The following TP53RK variants were observed in gnomAD, a reference collection of about 807,000 sequenced individuals.
TP53RK encodes the protein EKC/KEOPS complex subunit TP53RK.
A neutral mutation model predicts 14.9 loss-of-function variants in TP53RK; 17 were observed. The ratio of observed to expected loss-of-function variants is 1.14; its 90% confidence interval spans 0.78 to 1.71. The LOEUF is 1.71. Among genes scored for constraint, TP53RK ranks in the 40% most tolerant of loss-of-function variants. The pLI is 0.00. For synonymous variants in TP53RK, 131 were observed against 138.0 expected, an observed-to-expected ratio of 0.95 and a Z score of 0.36; for missense variants, 343 against 332.0, an observed-to-expected ratio of 1.03 and a Z score of -0.26.
In TP53RK at chr20:46,685,204, G is replaced by A. The variant is rs1248846730; in HGVS notation, c.*1549C>T. ...TGGGCACTTGGGGCATGCTGACTGT[G>A]GTGAATGAAACAGACAGGGTACTGG... On this transcript the variant is annotated 3_prime_UTR_variant, in exon 2 of 2. Transcript: ENST00000372114. 1 of 152,242 alleles carries A rather than the reference G, an allele frequency of 6.6e-6. No individual in the cohort carries two copies. The highest frequency in any genetic ancestry group is 1.5e-5 in the Non-Finnish European group (1 of 68,058). 9.4% of individuals were successfully genotyped at this position (152,242 alleles called of 1,614,324 possible).
rs78697542 is a variant in TP53RK, at chr20:46,689,020, G to A, written c.283+112C>T. On this transcript the variant is annotated intron_variant, in intron 1 of 1. Coordinates refer to ENST00000372114, the MANE Select transcript of TP53RK (RefSeq NM_033550.4). ...TCCGAAAGGCCGGACACCGCAGAAGGCACAGAAGGAGAAACTGAGGGAAAT... is the reference window on the plus strand; with the variant it reads ...TCCGAAAGGCCGGACACCGCAGAAGACACAGAAGGAGAAACTGAGGGAAAT... The A allele has an allele frequency of 4.3e-4, 491 of 1,150,816 alleles. 4 individuals carry two copies. The African/African-American group carries it at 7.4e-3, about 17-fold the overall frequency. 71.3% of individuals were successfully genotyped at this position (1,150,816 alleles called of 1,614,324 possible).
chr20:46,686,691 C>A lies in TP53RK; in HGVS notation c.*62G>T. ...CTTAGATCTCATCTCATACTTGTAG[C>A]ATTTCTTCAAATTTACTTTGAAAAA... is the stretch of plus-strand genomic sequence containing the variant. On this transcript the variant is annotated 3_prime_UTR_variant, in exon 2 of 2. Transcript: ENST00000372114. The A allele has an allele frequency of 7.5e-7, 1 of 1,335,224 alleles. No homozygotes were observed. The highest frequency in any genetic ancestry group is 1.1e-6 in the Non-Finnish European group (1 of 947,376). 82.7% of individuals were successfully genotyped at this position (1,335,224 alleles called of 1,614,324 possible). A position where few individuals can be genotyped will look rare whatever the true frequency, so the allele number is the denominator to read the frequency against.
At chr20:46,688,749 T>C (rs2063192367) in intron 1 of TP53RK, among the ~76,000 whole-genome samples, 1 of 152,192 alleles carries the variant, frequency 6.6e-6, no homozygotes, top group Admixed American at 6.5e-5. Flanking sequence ...CTGGCTCCAG[T>C]GGGGCAAGTA....
Position 46,685,458 on chromosome 20 carries a change from T to A in TP53RK, c.*1295A>T, listed in dbSNP as rs778529812. Reference sequence around the variant, plus strand: ...AAACACAAAATACCAAAACTGAGAGTGTGTGATGACAACAGTGTGCAGAGG... The same window carrying A: ...AAACACAAAATACCAAAACTGAGAGAGTGTGATGACAACAGTGTGCAGAGG... On this transcript the variant is annotated 3_prime_UTR_variant, in exon 2 of 2. Coordinates refer to ENST00000372114, the MANE Select transcript of TP53RK (RefSeq NM_033550.4). The A allele has an allele frequency of 6.6e-6, 1 of 151,920 alleles. No homozygotes were observed. The highest frequency in any genetic ancestry group is 2.4e-5 in the African/African-American group (1 of 41,336). 9.4% of individuals were successfully genotyped at this position (151,920 alleles called of 1,614,324 possible).
rs80207840 is a variant in TP53RK at position 46,689,300 on chromosome 20, C to A, written c.115G>T (p.Val39Leu). ...ACGCGCGCCTCGGCACCCTGCTTCACCAGCTCCAGGCCGCTCAAGAAGCGG... is the reference window on the plus strand; with the variant it reads ...ACGCGCGCCTCGGCACCCTGCTTCAACAGCTCCAGGCCGCTCAAGAAGCGG... ...SSRFLSGLEL[V>L]KQGAEARVFR... Residue 39 changes from valine to leucine, a missense_variant, in exon 1 of 2, where the codon GTG (valine) becomes TTG (leucine). Val to Leu is a conservative substitution (Grantham distance 32, BLOSUM62 1). Transcript: ENST00000372114. 3 of 1,549,370 alleles carry A rather than the reference C, an allele frequency of 1.9e-6. No individual in the cohort carries two copies. In the Admixed American group the frequency reaches 5.6e-5, roughly 29 times the overall value.
At position 46,689,398 on chromosome 20, in the gene TP53RK, G is replaced by A. The variant is rs540226060; in HGVS notation, c.17C>T (p.Ala6Val). The A allele has an allele frequency of 3.2e-6, 5 of 1,560,110 alleles. No homozygotes were observed. In the East Asian group the frequency reaches 9.4e-5, roughly 29 times the overall value. ...CTCCTCGCCATCGGCCGGCGTAGTA[G>A]CTCTGGCCGCCGCCATGACTGCTCG... Reference protein sequence around the residue: MAAARATTPADGEEPA... With the variant: MAAARVTTPADGEEPA... Residue 6 changes from alanine (A) to valine (V), a missense_variant, in exon 1 of 2, where the codon GCT (alanine) becomes GTT (valine). Physicochemically the swap from Ala to Val is moderately conservative, Grantham distance 64 (BLOSUM62 0). Coordinates refer to ENST00000372114, the MANE Select transcript of TP53RK (RefSeq NM_033550.4).
chr20:46,686,265 AAAC>A lies in TP53RK; in HGVS notation c.*485_*487del, dbSNP rs2063179769. Reference sequence around the variant, plus strand: ...TATATATACACGTGAAAGTTTCATAAAACAATACACTGATATTTTCCATGCTGT... The same window carrying A: ...TATATATACACGTGAAAGTTTCATAAAATACACTGATATTTTCCATGCTGT... On this transcript the variant is annotated 3_prime_UTR_variant, in exon 2 of 2. Coordinates refer to ENST00000372114, the MANE Select transcript of TP53RK (RefSeq NM_033550.4). The A allele has an allele frequency of 6.4e-6, 1 of 156,682 alleles. No individual in the cohort carries two copies. The highest frequency in any genetic ancestry group is 3.1e-3 in the Middle Eastern group (1 of 326). 9.7% of individuals were successfully genotyped at this position (156,682 alleles called of 1,614,324 possible).
In TP53RK at chr20:46,684,966, G is replaced by A. The variant is rs1411930205; in HGVS notation, c.*1787C>T. On this transcript the variant is annotated 3_prime_UTR_variant, in exon 2 of 2. Coordinates refer to ENST00000372114, the MANE Select transcript of TP53RK (RefSeq NM_033550.4). ...AAAAGTACCTCTTGCTACCTGTGAC[G>A]TCTTGGACAAGTTCCCACCTTTTGG... 1 of 152,198 alleles carries A rather than the reference G, an allele frequency of 6.6e-6. No homozygotes were observed. Among genetic ancestry groups the A allele is most frequent in the Non-Finnish European group, 1.5e-5 (1 of 68,032 alleles). 9.4% of individuals were successfully genotyped at this position (152,198 alleles called of 1,614,324 possible). A position where few individuals can be genotyped will look rare whatever the true frequency, so the allele number is the denominator to read the frequency against.
At chr20:46,687,697 G>A (rs889892259) in intron 1 of TP53RK, among the ~76,000 whole-genome samples, 1 of 152,248 alleles carries the variant, frequency 6.6e-6, no homozygotes, top group Non-Finnish European at 1.5e-5. Context: ...TCGGGAGGCT[G>A]AGGCAGGAGA....
Position 46,686,000 on chromosome 20 carries a change from CAGTT to C in TP53RK, c.*749_*752del, listed in dbSNP as rs2063178695. ...TTACTGCCTGTGATAGAAATCAACT[CAGTT>C]TGTTTAGCGGTATAAACTTAAAAGG... On this transcript the variant is annotated 3_prime_UTR_variant, in exon 2 of 2. Coordinates refer to ENST00000372114, the MANE Select transcript of TP53RK (RefSeq NM_033550.4). The C allele has an allele frequency of 1.3e-5, 2 of 152,216 alleles. No individual in the cohort carries two copies. Among genetic ancestry groups the C allele is most frequent in the South Asian group, 4.1e-4 (2 of 4,828 alleles). 9.4% of individuals were successfully genotyped at this position (152,216 alleles called of 1,614,324 possible). A position where few individuals can be genotyped will look rare whatever the true frequency, so the allele number is the denominator to read the frequency against.
chr20:46,687,020 G>C lies in TP53RK; in HGVS notation c.495C>G (p.Thr165=). The C allele has an allele frequency of 6.2e-7, 1 of 1,614,198 alleles. No individual in the cohort carries two copies. The highest frequency in any genetic ancestry group is 1.3e-5 in the African/African-American group (1 of 75,054). Residue 165 remains threonine, a synonymous_variant, in exon 2 of 2, where the codon ACC becomes ACG. Coordinates refer to ENST00000372114, the MANE Select transcript of TP53RK (RefSeq NM_033550.4). ...DEDLIHGDLT[T]SNMLLKPPLE... The stretch of plus-strand genomic sequence containing the variant: ...GGGGGGGTTTCAGGAGCATGTTGGA[G>C]GTGGTGAGATCACCATGAATGAGGT...
Position 46,685,344 on chromosome 20 carries a change from G to A in TP53RK, c.*1409C>T, listed in dbSNP as rs990273235. The A allele has an allele frequency of 6.6e-6, 1 of 152,242 alleles. No homozygotes were observed. The highest frequency in any genetic ancestry group is 1.9e-4 in the East Asian group (1 of 5,204). The allele number at this position is 152,242 out of a possible 1,614,324, so 9.4% of individuals were successfully genotyped here. ...GAAAAATTGGAACATTTACAAATGT[G>A]TGGAAATTAACAGATTTCTAAACAA... On this transcript the variant is annotated 3_prime_UTR_variant, in exon 2 of 2. Transcript: ENST00000372114.
rs2664523 is a variant in TP53RK, at chr20:46,689,403, G to T, written c.12C>A (p.Ala4=). The T allele has an allele frequency of 6.4e-7, 1 of 1,556,640 alleles. No homozygotes were observed. Among genetic ancestry groups the T allele is most frequent in the Non-Finnish European group, 8.6e-7 (1 of 1,163,028 alleles). ...CGCCATCGGCCGGCGTAGTAGCTCTGGCCGCCGCCATGACTGCTCGGCGCA... is the reference window on the plus strand; with the variant it reads ...CGCCATCGGCCGGCGTAGTAGCTCTTGCCGCCGCCATGACTGCTCGGCGCA... MAA[A]RATTPADGEE... The change falls in exon 1 of 2, where the codon GCC becomes GCA. Residue 4 remains alanine, a synonymous_variant. Transcript: ENST00000372114.
chr20:46,688,889 C>G (rs1448527791), intron 1 of TP53RK, among the ~76,000 whole-genome samples: 1 of 152,102 alleles, frequency 6.6e-6, no homozygotes, highest in African/African-American at 2.4e-5. Flanking sequence ...TGACAGATCC[C>G]AGATTTGAAC....
At position 46,685,451 on chromosome 20, in the gene TP53RK, CTG is replaced by C. The variant is rs2063176379; in HGVS notation, c.*1300_*1301del. The C allele has an allele frequency of 2.0e-5, 3 of 152,158 alleles. No individual in the cohort carries two copies. Among genetic ancestry groups the C allele is most frequent in the Admixed American group, 2.0e-4 (3 of 15,272 alleles). The allele number at this position is 152,158 out of a possible 1,614,324, so 9.4% of individuals were successfully genotyped here. ...AAAACAAAAACACAAAATACCAAAACTGAGAGTGTGTGATGACAACAGTGTGC... is the reference window on the plus strand; with the variant it reads ...AAAACAAAAACACAAAATACCAAAACAGAGTGTGTGATGACAACAGTGTGC... On this transcript the variant is annotated 3_prime_UTR_variant, in exon 2 of 2. Coordinates refer to ENST00000372114, the MANE Select transcript of TP53RK (RefSeq NM_033550.4).
At chr20:46,688,980 TGAAA>T in intron 1 of TP53RK, 148 bp downstream of exon 1, 1 of 900,202 alleles carries the variant, frequency 1.1e-6, no homozygotes. Context: ...AAAAAAGGGA[TGAAA>T]GAATAACATT....
intron 1 of TP53RK, 121 bp downstream of exon 1, chr20:46,689,011 C>T: frequency 9.0e-7 from 1 of 1,111,990 alleles, no homozygotes; most frequent in Non-Finnish European, 1.2e-6. Context: ...AGGCCGGACA[C>T]CGCAGAAGGC....
rs1450635399 is a variant in TP53RK at position 46,684,418 on chromosome 20, C to T, written c.*2335G>A. 6.6e-6 allele frequency: 1 copy of T among 152,172 alleles called. No individual in the cohort carries two copies. The highest frequency in any genetic ancestry group is 2.4e-5 in the African/African-American group (1 of 41,436). The allele number at this position is 152,172 out of a possible 1,614,324, so 9.4% of individuals were successfully genotyped here. On this transcript the variant is annotated 3_prime_UTR_variant, in exon 2 of 2. Coordinates refer to ENST00000372114, the MANE Select transcript of TP53RK (RefSeq NM_033550.4). ...CACAGTTCAGCATGGCTGGGGATGC[C>T]TCAGAAAACTTATAATCATGGCAGA...
Position 46,689,367 on chromosome 20 carries a change from G to C in TP53RK, c.48C>G (p.Ala16=), listed in dbSNP as rs1407480210. ...CTGCGGCCAGAGCCTCAGCCTCCGG[G>C]GCGGGCTCCTCGCCATCGGCCGGCG... ...ATTPADGEEP[A]PEAEALAAAR... Residue 16 remains alanine (A), a synonymous_variant, in exon 1 of 2, where the codon GCC becomes GCG. Transcript: ENST00000372114. The C allele has an allele frequency of 1.2e-5, 19 of 1,577,948 alleles. No homozygotes were observed. The highest frequency in any genetic ancestry group is 2.7e-5 in the African/African-American group (2 of 73,886).
Sources: gnomAD v4.1 joint callset for allele counts (sites outside exome capture counted in the v4.1 genomes callset) on GRCh38, gnomAD v4.1.1 for gene constraint, MANE v1.5 for transcripts, NCBI Gene and HGNC (gene_info 2026-07-23, HGNC 2026-07-21) for gene names.